Variants in HERC4 observed in about 807,000 individuals in gnomAD.
The protein encoded by HERC4 is HECT and RLD domain containing E3 ubiquitin protein ligase 4, also known as probable E3 ubiquitin-protein ligase HERC4.
Under a neutral mutation model 124.3 loss-of-function variants are expected in HERC4, and 28 were observed. The ratio of observed to expected loss-of-function variants is 0.23; its 90% CI spans 0.17 to 0.31. The LOEUF is 0.31. Ranked by LOEUF, HERC4 falls within the 10% of genes least tolerant of loss-of-function variation. The pLI, the probability that HERC4 is intolerant of heterozygous loss-of-function variation, is 1.00. For synonymous variants in HERC4, 407 were observed against 421.5 expected, an observed-to-expected ratio of 0.97 and a Z score of 0.42; for missense variants, 713 against 1,229.3, an observed-to-expected ratio of 0.58 and a Z score of 6.28.
At chr10:68,066,964 T>C (rs2041334278) in intron 3 of HERC4, 1 of 152,642 alleles carries the variant, frequency 6.6e-6, no homozygotes, top group African/African-American at 2.4e-5. Flanking sequence ...AAGATATTAC[T>C]GTAAATAATT....
At chr10:67,969,557 C>T (rs1471523533) in intron 15 of HERC4, among the ~76,000 whole-genome samples, 1 of 152,136 alleles carries the variant, frequency 6.6e-6, no homozygotes, top group Non-Finnish European at 1.5e-5. Context: ...AACAAAGGCC[C>T]GTCACCCTGC....
intron 3 of HERC4, among the ~76,000 whole-genome samples, chr10:68,064,535 T>C (rs796538719): frequency 1.3e-3 from 136 of 100,994 alleles, no homozygotes; most frequent in African/African-American, 5.2e-3. Context: ...GCCTAGACAA[T>C]AGGCAACAGA....
At position 67,956,694 on chromosome 10, in the gene HERC4, CTGCAACCTTTTTTTATAAA is replaced by C. The variant is rs1192747447; in HGVS notation, c.2025+165_2025+183del. On this transcript the variant is annotated intron_variant, in intron 17 of 24. Transcript: ENST00000373700. ...TATAGGTTAAGTTATTCCATTTTCACTGCAACCTTTTTTTATAAATGTTCTCATAAGAATATACATATCA... is the reference window on the plus strand; with the variant it reads ...TATAGGTTAAGTTATTCCATTTTCACTGTTCTCATAAGAATATACATATCA... The C allele has an allele frequency of 2.3e-5, 9 of 386,528 alleles. No homozygotes were observed. In the Admixed American group the frequency reaches 3.7e-4, roughly 16 times the overall value. The allele number at this position is 386,528 out of a possible 1,614,324, so 23.9% of individuals were successfully genotyped here.
intron 19 of HERC4, among the ~76,000 whole-genome samples, chr10:67,951,144 C>T (rs1254272033): frequency 6.6e-6 from 1 of 152,174 alleles, no homozygotes; most frequent in African/African-American, 2.4e-5. Context: ...ACTGCCCCTC[C>T]CTTTGTCTCA....
At chr10:67,931,585 C>G (rs564505096) in intron 23 of HERC4, among the ~76,000 whole-genome samples, 2 of 151,934 alleles carry the variant, frequency 1.3e-5, no homozygotes, top group Admixed American at 1.3e-4. Flanking sequence ...CCACCACACC[C>G]GATTAATTTT....
At chr10:68,070,682 T>C (rs1029029286) in intron 3 of HERC4, 2 of 152,122 alleles carry the variant, frequency 1.3e-5, no homozygotes, top group Non-Finnish European at 2.9e-5. Context: ...ATGAAGTTCC[T>C]ATCACAGCAA....
At chr10:68,027,949 A>C (rs2038988185) in intron 7 of HERC4, among the ~76,000 whole-genome samples, 1 of 147,634 alleles carries the variant, frequency 6.8e-6, no homozygotes. Flanking sequence ...ATATATATAT[A>C]TCACATATTT....
chr10:67,960,543 G>A (rs751443112), intron 16 of HERC4, among the ~76,000 whole-genome samples: 1 of 152,014 alleles, frequency 6.6e-6, no homozygotes, highest in African/African-American at 2.4e-5. Flanking sequence ...GTGCCACCAC[G>A]CCTAGCTAAT....
intron 15 of HERC4, among the ~76,000 whole-genome samples, chr10:67,979,007 G>A (rs182977983): frequency 7.2e-5 from 11 of 152,186 alleles, no homozygotes; most frequent in East Asian, 1.9e-4. Context: ...CAAGAAGCAC[G>A]AAGACACACA....
intron 15 of HERC4, among the ~76,000 whole-genome samples, chr10:67,982,160 A>G (rs1367896154): frequency 6.6e-6 from 1 of 152,228 alleles, no homozygotes; most frequent in East Asian, 1.9e-4. Flanking sequence ...AGTCAAAGCT[A>G]TCTTAAGCAA....
chr10:67,978,992 CTT>C (rs1485541802), intron 15 of HERC4, among the ~76,000 whole-genome samples: 1 of 152,110 alleles, frequency 6.6e-6, no homozygotes, highest in Non-Finnish European at 1.5e-5. Flanking sequence ...TCTGGAAAGC[CTT>C]TCCAAGAAGC....
At chr10:68,062,881 T>C (rs2041102544) in intron 3 of HERC4, among the ~76,000 whole-genome samples, 1 of 152,330 alleles carries the variant, frequency 6.6e-6, no homozygotes, top group Admixed American at 6.5e-5. Context: ...TTACAAACTA[T>C]GAGTGAATAG....
intron 9 of HERC4, among the ~76,000 whole-genome samples, chr10:67,997,809 T>C (rs546593994): frequency 6.7e-4 from 102 of 152,360 alleles, no homozygotes; most frequent in African/African-American, 2.4e-3. Flanking sequence ...ACCTGTGCTC[T>C]TGTACGAGGT....
intron 15 of HERC4, among the ~76,000 whole-genome samples, chr10:67,975,847 A>G (rs2035554388): frequency 1.3e-5 from 2 of 152,136 alleles, no homozygotes; most frequent in African/African-American, 2.4e-5. Context: ...TGATTGCTTT[A>G]TATCTGTGGC....
At chr10:67,983,797 A>AG (rs1197478679) in intron 15 of HERC4, among the ~76,000 whole-genome samples, 1 of 150,026 alleles carries the variant, frequency 6.7e-6, no homozygotes, top group African/African-American at 2.5e-5. Context: ...AAAAAAAAAA[A>AG]AAAAAAAATA....
chr10:68,038,121 A>C lies in HERC4; in HGVS notation c.435T>G (p.Gly145=), dbSNP rs1460719962. The part of the protein sequence containing the change: ...SDIQIVQVAC[G]YYHSLALSKA... ...TAGAAAGTGCAAGTGAATGATAGTA[A>C]CCACAAGCAACCTGTACAATCTGGA... is the stretch of plus-strand genomic sequence containing the variant. Residue 145 remains glycine, a synonymous_variant, in exon 5 of 25, where the codon GGT becomes GGG. Transcript: ENST00000373700. 1 of 1,540,908 alleles carries C rather than the reference A, an allele frequency of 6.5e-7. No homozygotes were observed. The highest frequency in any genetic ancestry group is 8.7e-7 in the Non-Finnish European group (1 of 1,148,028).
At chr10:67,985,458 T>G (rs2036205162) in intron 15 of HERC4, among the ~76,000 whole-genome samples, 1 of 152,230 alleles carries the variant, frequency 6.6e-6, no homozygotes. Flanking sequence ...TATTTCACAT[T>G]TTAATTAAAG....
chr10:68,070,241 T>G (rs2041503353), intron 3 of HERC4: 1 of 979,412 alleles, frequency 1.0e-6, no homozygotes. Context: ...ACACAAATCA[T>G]TAACGAATTA....
chr10:67,990,107 T>C, intron 14 of HERC4, 104 bp downstream of exon 14: 1 of 842,524 alleles, frequency 1.2e-6, no homozygotes, highest in South Asian at 1.8e-5. Flanking sequence ...CCTAAGACAG[T>C]GTCAAATAAG....
Sources: allele counts gnomAD v4.1 joint callset (sites outside exome capture counted in the v4.1 genomes callset), GRCh38; gene constraint gnomAD v4.1.1; transcripts MANE v1.5; gene names NCBI Gene and HGNC (gene_info 2026-07-23, HGNC 2026-07-21).